Variants in ATP10A observed in about 807,000 individuals in gnomAD.
ATP10A encodes the protein phospholipid-transporting ATPase VA.
ATP10A carries 111 observed loss-of-function variants against 147.8 expected under a neutral mutation model. That is an observed-to-expected ratio of 0.75 (90% CI 0.64 to 0.88). The LOEUF is 0.88. Ranked by LOEUF, ATP10A falls within the 40% of genes least tolerant of loss-of-function variation. ATP10A has a pLI of 0.00. For missense variants in ATP10A, 1,927 were observed against 1,959.0 expected (o/e 0.98, Z 0.31); for synonymous variants, 875 against 841.6 (o/e 1.04, Z -0.69).
intron 1 of ATP10A, among the ~76,000 whole-genome samples, chr15:25,817,872 G>T (rs1891732165): frequency 6.6e-6 from 1 of 152,152 alleles, no homozygotes; most frequent in African/African-American, 2.4e-5. Context: ...GTAATAATAT[G>T]ATGATGATAA....
In ATP10A at chr15:25,721,541, A is replaced by AGT. The variant is rs1352223837; in HGVS notation, c.1363+115_1363+116insAC. 5 of 1,194,564 alleles carry AGT rather than the reference A, an allele frequency of 4.2e-6. No individual in the cohort carries two copies. In the African/African-American group the frequency reaches 8.6e-5, roughly 21 times the overall value. 74.0% of individuals were successfully genotyped at this position (1,194,564 alleles called of 1,614,324 possible). On this transcript the variant is annotated intron_variant, in intron 7 of 20. Coordinates refer to ENST00000555815, the MANE Select transcript of ATP10A (RefSeq NM_024490.4). ...TCCCTTGAAAATCAGTAATCCCTGA[A>AGT]GCGTGTGTGTGTGTGTGTGTGTGTG...
intron 2 of ATP10A, among the ~76,000 whole-genome samples, chr15:25,741,736 CTG>C (rs1285541094): frequency 6.6e-6 from 1 of 152,204 alleles, no homozygotes; most frequent in Non-Finnish European, 1.5e-5. Context: ...ACTGCCAAGA[CTG>C]TATTGTCAGG....
At chr15:25,728,112 C>T (rs998289706) in intron 3 of ATP10A, among the ~76,000 whole-genome samples, 1 of 152,224 alleles carries the variant, frequency 6.6e-6, no homozygotes, top group Non-Finnish European at 1.5e-5. Flanking sequence ...TACCTTTTCA[C>T]ACCCACACCC....
chr15:25,706,574 C>G (rs12900951), intron 12 of ATP10A, among the ~76,000 whole-genome samples: 1 of 152,044 alleles, frequency 6.6e-6, no homozygotes, highest in Non-Finnish European at 1.5e-5. Context: ...AGTCAGGGCT[C>G]CTGGGCTCTG....
rs1192151025 is a variant in ATP10A, at chr15:25,696,038, G to A, written c.2761-892C>T. 3.3e-5 allele frequency among the ~76,000 whole-genome samples: 5 copies of A among 152,146 alleles called. No individual in the cohort carries two copies. The East Asian group carries it at 9.6e-4, about 29-fold the overall frequency. The stretch of plus-strand genomic sequence containing the variant: ...GTGGTAGCAGCACTAGGGATCAGGG[G>A]CAGGAGCTGGAGGCACAGGAGGGAC... On this transcript the variant is annotated intron_variant, in intron 13 of 20. Coordinates refer to ENST00000555815, the MANE Select transcript of ATP10A (RefSeq NM_024490.4).
intron 2 of ATP10A, among the ~76,000 whole-genome samples, chr15:25,777,765 AT>A (rs1281384201): frequency 6.0e-5 from 8 of 133,860 alleles, no homozygotes; most frequent in East Asian, 4.5e-4. Context: ...ATATCTGGCA[AT>A]TTTTTTTCTT....
intron 2 of ATP10A, among the ~76,000 whole-genome samples, chr15:25,774,831 A>T (rs1312690649): frequency 1.3e-5 from 2 of 152,212 alleles, no homozygotes. Context: ...TAGAATTAAA[A>T]ATTTAATCTA....
intron 15 of ATP10A, among the ~76,000 whole-genome samples, chr15:25,690,772 A>C (rs545951614): frequency 4.6e-5 from 7 of 152,236 alleles, no homozygotes; most frequent in Non-Finnish European, 8.8e-5. Context: ...CACTGTGAAG[A>C]CACAAAGGTG....
intron 1 of ATP10A, among the ~76,000 whole-genome samples, chr15:25,849,013 G>A (rs775775980): frequency 6.6e-6 from 1 of 152,080 alleles, no homozygotes; most frequent in Non-Finnish European, 1.5e-5. Context: ...GAACATAGGG[G>A]AGACCAGCGT....
At chr15:25,726,630 A>C (rs1413588504) in intron 4 of ATP10A, among the ~76,000 whole-genome samples, 2 of 151,768 alleles carry the variant, frequency 1.3e-5, no homozygotes, top group African/African-American at 4.8e-5. Flanking sequence ...TTTTTAGTAG[A>C]GATGGGGTTT....
chr15:25,823,980 G>A (rs74004306), intron 1 of ATP10A, among the ~76,000 whole-genome samples: 12,713 of 152,162 alleles, frequency 0.084, 1,131 homozygotes, highest in African/African-American at 0.23. Context: ...ATGCAGCCAC[G>A]GGCAGTGCAT....
intron 1 of ATP10A, among the ~76,000 whole-genome samples, chr15:25,807,860 G>A (rs894748955): frequency 5.3e-5 from 8 of 151,848 alleles, no homozygotes; most frequent in African/African-American, 1.7e-4. Flanking sequence ...TGACAACCGG[G>A]GCTCTGAAAT....
At chr15:25,859,878 G>A (rs891156649) in intron 1 of ATP10A, among the ~76,000 whole-genome samples, 10 of 152,234 alleles carry the variant, frequency 6.6e-5, no homozygotes, top group African/African-American at 2.4e-4. Context: ...TGGGACAGTG[G>A]CAGCAGGTAA....
At chr15:25,815,293 T>A (rs1891602003) in intron 1 of ATP10A, among the ~76,000 whole-genome samples, 1 of 152,184 alleles carries the variant, frequency 6.6e-6, no homozygotes, top group African/African-American at 2.4e-5. Flanking sequence ...GACTTCCAGT[T>A]TCAGAACATG....
chr15:25,715,483 C>T (rs886397368), intron 9 of ATP10A, among the ~76,000 whole-genome samples: 1 of 152,248 alleles, frequency 6.6e-6, no homozygotes, highest in African/African-American at 2.4e-5. Context: ...ATCTCTCACC[C>T]TTCATTTAAC....
At chr15:25,787,182 C>T (rs997011283) in intron 1 of ATP10A, among the ~76,000 whole-genome samples, 1 of 152,130 alleles carries the variant, frequency 6.6e-6, no homozygotes, top group African/African-American at 2.4e-5. Flanking sequence ...TTTGAAAGCA[C>T]ATCTGATCTG....
In ATP10A at chr15:25,706,487, G is replaced by A. The variant is rs115131310; in HGVS notation, c.2575+1489C>T. On this transcript the variant is annotated intron_variant, in intron 12 of 20. Coordinates refer to ENST00000555815, the MANE Select transcript of ATP10A (RefSeq NM_024490.4). Reference sequence around the variant, plus strand: ...GGATGCAAAAAGGATTGAGCCACTTGCCCCAGGCTGTCCGATCAGCCTGCA... The same window carrying A: ...GGATGCAAAAAGGATTGAGCCACTTACCCCAGGCTGTCCGATCAGCCTGCA... 3.5e-3 allele frequency among the ~76,000 whole-genome samples: 531 copies of A among 152,320 alleles called. 4 individuals carry two copies. Among genetic ancestry groups the A allele is most frequent in the African/African-American group, 0.012 (505 of 41,570 alleles).
intron 3 of ATP10A, among the ~76,000 whole-genome samples, chr15:25,731,092 A>G (rs915139710): frequency 2.0e-5 from 3 of 152,166 alleles, no homozygotes; most frequent in African/African-American, 7.2e-5. Context: ...GTCTTTACTA[A>G]CCACCGTCTC....
In ATP10A at chr15:25,680,174, G is replaced by C. The variant is rs1899320761; in HGVS notation, c.3813C>G (p.Asp1271Glu). The C allele has an allele frequency of 1.2e-6, 2 of 1,614,002 alleles. No homozygotes were observed. The highest frequency in any genetic ancestry group is 1.7e-6 in the Non-Finnish European group (2 of 1,180,034). The change falls in exon 20 of 21, where the codon GAC becomes GAG. Residue 1271 changes from aspartate (D) to glutamate (E), a missense_variant. Asp to Glu is a conservative substitution (Grantham distance 45). Transcript: ENST00000555815. ...TCAGGCAAGTCAAGTAAAACACTGG[G>C]TCACCCAGTAAGGCTTGCATAGTCC... ...PYWTMQALLG[D>E]PVFYLTCLMT...
Sources: allele counts gnomAD v4.1 joint callset (sites outside exome capture counted in the v4.1 genomes callset), GRCh38; gene constraint gnomAD v4.1.1; transcripts MANE v1.5; gene names NCBI Gene and HGNC (gene_info 2026-07-23, HGNC 2026-07-21).